The following JDP2 variants were observed in gnomAD, a reference collection of about 807,000 sequenced individuals.
JDP2 encodes Jun dimerization protein 2, also known as progesterone receptor co-activator.
A neutral mutation model predicts 17.1 loss-of-function variants in JDP2; 9 were observed. That is an observed-to-expected ratio of 0.53 (90% CI 0.32 to 0.92). JDP2 has a LOEUF of 0.92. Among genes scored for constraint, JDP2 ranks in the 40% least tolerant of loss-of-function variants. The probability of loss-of-function intolerance (pLI) is 0.04; values close to 1 mark genes in which losing one functional copy is unlikely to be tolerated. For synonymous variants in JDP2, 107 were observed against 95.6 expected (o/e 1.12, Z -0.69); for missense variants, 179 against 220.0 (o/e 0.81, Z 1.18).
intron 2 of JDP2, among the ~76,000 whole-genome samples, chr14:75,460,657 C>A (rs1886312883): frequency 6.6e-6 from 1 of 152,210 alleles, no homozygotes; most frequent in South Asian, 2.1e-4. Flanking sequence ...AGTAGATTTG[C>A]CAGGCTCCTG....
chr14:75,468,047 G>A (rs986854347), intron 3 of JDP2, among the ~76,000 whole-genome samples: 3 of 152,140 alleles, frequency 2.0e-5, no homozygotes, highest in African/African-American at 4.8e-5. Flanking sequence ...GAGGGTTCTG[G>A]GGACCCCCTG....
chr14:75,471,311 C>CA lies in JDP2; in HGVS notation c.*1837dup, dbSNP rs2140007064. The stretch of plus-strand genomic sequence containing the variant: ...CCTGCCACCCAGGGCCGGAGCAGCT[C>CA]AGTGGCATTCACTCAGTGCCTGCTG... On this transcript the variant is annotated 3_prime_UTR_variant, in exon 4 of 4. Transcript: ENST00000651602. The CA allele has an allele frequency of 6.6e-6, 1 of 152,430 alleles. No individual in the cohort carries two copies. Among genetic ancestry groups the CA allele is most frequent in the Admixed American group, 6.5e-5 (1 of 15,310 alleles). 9.4% of individuals were successfully genotyped at this position (152,430 alleles called of 1,614,324 possible). A position where few individuals can be genotyped will look rare whatever the true frequency, so the allele number is the denominator to read the frequency against.
chr14:75,449,726 T>C (rs533845482), intron 2 of JDP2, among the ~76,000 whole-genome samples: 10 of 152,366 alleles, frequency 6.6e-5, no homozygotes, highest in African/African-American at 1.9e-4. Context: ...CAAATAGCTC[T>C]TCTCTAGCAA....
intron 2 of JDP2, among the ~76,000 whole-genome samples, chr14:75,444,070 T>C (rs971781205): frequency 6.6e-6 from 1 of 152,062 alleles, no homozygotes; most frequent in Non-Finnish European, 1.5e-5. Context: ...GCCTGGCTAA[T>C]TTTTGTATTT....
chr14:75,431,981 G>GA (rs1450703960), intron 1 of JDP2, among the ~76,000 whole-genome samples: 1 of 152,246 alleles, frequency 6.6e-6, no homozygotes, highest in African/African-American at 2.4e-5. Flanking sequence ...TACAGCTGAG[G>GA]AAAGAGAGGC....
intron 2 of JDP2, among the ~76,000 whole-genome samples, chr14:75,459,403 C>T (rs774175378): frequency 5.3e-5 from 8 of 152,118 alleles, no homozygotes; most frequent in Non-Finnish European, 8.8e-5. Flanking sequence ...TTGGGTGTGG[C>T]GGTGTTGACG....
intron 1 of JDP2, among the ~76,000 whole-genome samples, chr14:75,434,631 G>C (rs1021599190): frequency 2.0e-5 from 3 of 152,114 alleles, no homozygotes; most frequent in Non-Finnish European, 4.4e-5. Flanking sequence ...TCATTTGTTA[G>C]TGTCTCATTT....
At chr14:75,442,810 A>G (rs1885415318) in intron 2 of JDP2, among the ~76,000 whole-genome samples, 1 of 152,330 alleles carries the variant, frequency 6.6e-6, no homozygotes, top group African/African-American at 2.4e-5. Context: ...TAGTAGGCTC[A>G]GAGATGACTC....
At position 75,428,068 on chromosome 14, in the gene JDP2, G is replaced by T. The variant is rs1884604149; in HGVS notation, c.-208G>T. ...GAGGGACGCTCGGCGGCCGCGACGG[G>T]GGGCGCTGGCGGCGGCGGACGCTGC... On this transcript the variant is annotated 5_prime_UTR_variant, in exon 1 of 4. Coordinates refer to ENST00000651602, the MANE Select transcript of JDP2 (RefSeq NM_001135048.2). The surrounding 1 kb of genome is among the most constrained non-coding windows in gnomAD (Gnocchi z 5.6). The T allele has an allele frequency of 6.7e-6, 1 of 148,716 alleles. No individual in the cohort carries two copies. The highest frequency in any genetic ancestry group is 1.5e-5 in the Non-Finnish European group (1 of 66,736). 9.2% of individuals were successfully genotyped at this position (148,716 alleles called of 1,614,324 possible).
intron 2 of JDP2, among the ~76,000 whole-genome samples, chr14:75,442,716 C>T (rs118087182): frequency 0.018 from 2,692 of 152,266 alleles, 26 homozygotes; most frequent in Middle Eastern, 0.027. Flanking sequence ...TGGGAAACTT[C>T]TTAAAAAGTA....
chr14:75,470,531 G>C lies in JDP2; in HGVS notation c.*1056G>C, dbSNP rs1186618417. 1 of 152,294 alleles carries C rather than the reference G, an allele frequency of 6.6e-6. No individual in the cohort carries two copies. The highest frequency in any genetic ancestry group is 2.1e-4 in the South Asian group (1 of 4,834). The allele number at this position is 152,294 out of a possible 1,614,324, so 9.4% of individuals were successfully genotyped here. ...GGGTCGGAGACTGTTTGGAGCCTCTGCTATAGGCCTGTTCATTTTCACAAC... is the reference window on the plus strand; with the variant it reads ...GGGTCGGAGACTGTTTGGAGCCTCTCCTATAGGCCTGTTCATTTTCACAAC... On this transcript the variant is annotated 3_prime_UTR_variant, in exon 4 of 4. Transcript: ENST00000651602.
At chr14:75,450,929 A>T (rs895169151) in intron 2 of JDP2, among the ~76,000 whole-genome samples, 5 of 152,190 alleles carry the variant, frequency 3.3e-5, no homozygotes, top group Non-Finnish European at 7.4e-5. Context: ...TGTGAAAATC[A>T]GGGAGGGCTT....
chr14:75,445,603 C>T, intron 2 of JDP2: 1 of 985,028 alleles, frequency 1.0e-6, no homozygotes, highest in Non-Finnish European at 1.2e-6. Flanking sequence ...TCAGTTTCGT[C>T]CCTTGTAAAA....
At chr14:75,468,292 CCTCT>C (rs1347640584) in intron 3 of JDP2, among the ~76,000 whole-genome samples, 1 of 152,130 alleles carries the variant, frequency 6.6e-6, no homozygotes, top group African/African-American at 2.4e-5. Flanking sequence ...AGCACAGCTC[CCTCT>C]GAGTTGTGAC....
At chr14:75,463,244 A>G (rs770968910) in intron 3 of JDP2, among the ~76,000 whole-genome samples, 4 of 152,234 alleles carry the variant, frequency 2.6e-5, no homozygotes, top group Non-Finnish European at 4.4e-5. Context: ...GGCATTTCCC[A>G]TGTTTTATTT....
intron 2 of JDP2, among the ~76,000 whole-genome samples, chr14:75,439,803 T>A (rs116618763): frequency 0.012 from 1,884 of 152,296 alleles, 43 homozygotes; most frequent in East Asian, 0.036. Flanking sequence ...CTCCTCACCT[T>A]CCCAGGTCTG....
chr14:75,469,467 A>G lies in JDP2; in HGVS notation c.484A>G (p.Lys162Glu), dbSNP rs1211638162. ...CAACCCACTGCTCGAGCAGCTCGAG[A>G]AGAAGTGACCATGGGCTGGGAGGAG... ...EGNPLLEQLEKK is the reference protein window; with the variant it reads ...EGNPLLEQLEEK Residue 162 changes from lysine to glutamate, a missense_variant, in exon 4 of 4, where the codon AAG becomes GAG. Lys to Glu is a moderately conservative substitution (Grantham distance 56). Coordinates refer to ENST00000651602, the MANE Select transcript of JDP2 (RefSeq NM_001135048.2). The G allele has an allele frequency of 6.2e-7, 1 of 1,613,074 alleles. No individual in the cohort carries two copies. Among genetic ancestry groups the G allele is most frequent in the African/African-American group, 1.3e-5 (1 of 74,820 alleles).
chr14:75,448,977 C>T (rs1446771093), intron 2 of JDP2, among the ~76,000 whole-genome samples: 13 of 152,204 alleles, frequency 8.5e-5, no homozygotes, highest in Admixed American at 8.5e-4. Context: ...TGGTAAAACC[C>T]CTCTTCCATC....
chr14:75,432,015 CA>C, intron 1 of JDP2: 1 of 485,946 alleles, frequency 2.1e-6, no homozygotes, highest in Non-Finnish European at 3.7e-6. Context: ...GGAACTTGCC[CA>C]AGGGCACACA....
Sources: gnomAD v4.1 joint callset for allele counts (sites outside exome capture counted in the v4.1 genomes callset) on GRCh38, gnomAD v4.1.1 for gene constraint, Gnocchi (gnomAD v3.1) non-coding constraint, MANE v1.5 for transcripts, NCBI Gene and HGNC (gene_info 2026-07-23, HGNC 2026-07-21) for gene names.